The following MMS22L variants were observed in gnomAD, a reference collection of about 807,000 sequenced individuals.
MMS22L encodes the protein MMS22 like, DNA repair protein, also known as protein MMS22-like.
Under a neutral mutation model 159.1 loss-of-function variants are expected in MMS22L, and 74 were observed. That is an observed-to-expected ratio of 0.47 (90% CI 0.39 to 0.56). The LOEUF is 0.56. Ranked by LOEUF, MMS22L falls within the 20% of genes least tolerant of loss-of-function variation. MMS22L has a pLI of 0.00. For missense variants in MMS22L, 1,351 were observed against 1,422.1 expected, an observed-to-expected ratio of 0.95 and a Z score of 0.80; for synonymous variants, 517 against 506.9, an observed-to-expected ratio of 1.02 and a Z score of -0.27.
At chr6:97,227,738 T>C (rs1029211151) in intron 14 of MMS22L, among the ~76,000 whole-genome samples, 1 of 152,226 alleles carries the variant, frequency 6.6e-6, no homozygotes, top group Non-Finnish European at 1.5e-5. Flanking sequence ...TCTGTTTATC[T>C]TTGGACATGA....
chr6:97,246,946 C>T (rs1009782664), intron 10 of MMS22L, among the ~76,000 whole-genome samples: 2 of 150,436 alleles, frequency 1.3e-5, no homozygotes, highest in African/African-American at 4.9e-5. Context: ...AAATATTCTA[C>T]CAAATATTTA....
chr6:97,251,807 G>C (rs1182945970), intron 10 of MMS22L, among the ~76,000 whole-genome samples: 2 of 152,222 alleles, frequency 1.3e-5, no homozygotes, highest in South Asian at 2.1e-4. Context: ...GGTAGGGCTA[G>C]GTACGGTGGC....
chr6:97,182,452 T>C (rs954534373), intron 15 of MMS22L, among the ~76,000 whole-genome samples: 11 of 152,224 alleles, frequency 7.2e-5, no homozygotes, highest in African/African-American at 2.2e-4. Flanking sequence ...AGGTGAACAG[T>C]TCCTTCTCAC....
chr6:97,239,402 C>T (rs1811810898), intron 11 of MMS22L, among the ~76,000 whole-genome samples: 1 of 152,180 alleles, frequency 6.6e-6, no homozygotes, highest in African/African-American at 2.4e-5. Context: ...AAAAATCTTT[C>T]TCATATGAAA....
At chr6:97,224,623 C>A (rs939356733) in intron 14 of MMS22L, among the ~76,000 whole-genome samples, 1 of 150,816 alleles carries the variant, frequency 6.6e-6, no homozygotes, top group African/African-American at 2.4e-5. Flanking sequence ...TAAGCAACTA[C>A]CCCTTTTTTT....
At chr6:97,202,261 A>G (rs1037354574) in intron 14 of MMS22L, among the ~76,000 whole-genome samples, 1 of 152,214 alleles carries the variant, frequency 6.6e-6, no homozygotes, top group African/African-American at 2.4e-5. Context: ...AAACTAGCAT[A>G]GATTTCATAC....
chr6:97,165,370 G>A lies in MMS22L; in HGVS notation c.3097C>T (p.Arg1033Ter), dbSNP rs146474162. 1.9e-6 allele frequency: 3 copies of A among 1,613,272 alleles called. No individual in the cohort carries two copies. The highest frequency in any genetic ancestry group is 2.2e-5 in the East Asian group (1 of 44,828). ...ACATATGGTGAAGCTGGAAGAAATC[G>A]CCCAATATACTGCTCAATAACATTC... ...LGNVIEQYIG[R>*]FLPASPYVSD... Residue 1033 changes from arginine to a stop codon, truncating the protein, a stop_gained, in exon 21 of 25, where the codon CGA becomes TGA. Transcript: ENST00000683635. LOFTEE classifies it high-confidence loss of function.
chr6:97,182,392 T>C (rs1582501136), intron 15 of MMS22L, among the ~76,000 whole-genome samples: 1 of 152,184 alleles, frequency 6.6e-6, no homozygotes, highest in Admixed American at 6.5e-5. Flanking sequence ...TTATAAAATA[T>C]GTCCAGCATC....
chr6:97,219,459 A>G (rs947199493), intron 14 of MMS22L, among the ~76,000 whole-genome samples: 10 of 152,074 alleles, frequency 6.6e-5, no homozygotes, highest in Non-Finnish European at 2.9e-5. Context: ...TGAGGACTTA[A>G]TATATAGCTG....
intron 18 of MMS22L, among the ~76,000 whole-genome samples, 157 bp from the exon 19 acceptor site, chr6:97,173,379 A>C (rs1803761929): frequency 6.6e-6 from 1 of 152,224 alleles, no homozygotes; most frequent in African/African-American, 2.4e-5. Flanking sequence ...CATAGGAATT[A>C]AAACACAAGT....
At chr6:97,225,341 T>C (rs12529310) in intron 14 of MMS22L, among the ~76,000 whole-genome samples, 99,150 of 151,778 alleles carry the variant, frequency 0.65, 33,713 homozygotes, top group Non-Finnish European at 0.76. Context: ...TCAACTGACA[T>C]TGTTAACAAA....
chr6:97,214,907 CGT>C (rs1808822590), intron 14 of MMS22L, among the ~76,000 whole-genome samples: 7 of 150,490 alleles, frequency 4.7e-5, no homozygotes, highest in Non-Finnish European at 4.4e-5. Flanking sequence ...GAAAAAAATA[CGT>C]AATTAAGAGA....
At chr6:97,257,501 T>C (rs1813951245) in intron 9 of MMS22L, among the ~76,000 whole-genome samples, 1 of 152,152 alleles carries the variant, frequency 6.6e-6, no homozygotes, top group Admixed American at 6.6e-5. Context: ...TTGCCCAGGC[T>C]ACAGGGCACT....
At chr6:97,256,638 C>T (rs1363698492) in intron 9 of MMS22L, among the ~76,000 whole-genome samples, 2 of 152,084 alleles carry the variant, frequency 1.3e-5, no homozygotes, top group East Asian at 3.8e-4. Context: ...AGTCAGCTGC[C>T]CAATTGTCAC....
At chr6:97,197,505 C>G (rs1806656265) in intron 14 of MMS22L, among the ~76,000 whole-genome samples, 1 of 152,124 alleles carries the variant, frequency 6.6e-6, no homozygotes, top group South Asian at 2.1e-4. Context: ...GAGATCATCT[C>G]TGAAAATAAT....
At chr6:97,207,523 G>C (rs775903046) in intron 14 of MMS22L, among the ~76,000 whole-genome samples, 21 of 152,070 alleles carry the variant, frequency 1.4e-4, no homozygotes, top group Non-Finnish European at 2.1e-4. Flanking sequence ...ATTTCAAAAG[G>C]GAACTCTCAG....
chr6:97,246,924 C>T (rs4363042), intron 10 of MMS22L, among the ~76,000 whole-genome samples: 97,671 of 151,370 alleles, frequency 0.65, 32,991 homozygotes, highest in Non-Finnish European at 0.76. Flanking sequence ...AGTGGTGCTT[C>T]AGTAAGATTA....
At chr6:97,159,418 T>C (rs1055522778) in intron 22 of MMS22L, among the ~76,000 whole-genome samples, 36 of 152,168 alleles carry the variant, frequency 2.4e-4, no homozygotes, top group African/African-American at 8.7e-4. Context: ...ATAAATCCTA[T>C]GCACTATATA....
chr6:97,179,502 T>C lies in MMS22L; in HGVS notation c.2442A>G (p.Val814=). 6.2e-7 allele frequency: 1 copy of C among 1,613,532 alleles called. No homozygotes were observed. Among genetic ancestry groups the C allele is most frequent in the Non-Finnish European group, 8.5e-7 (1 of 1,179,678 alleles). Residue 814 remains valine, a synonymous_variant, in exon 17 of 25, where the codon GTA becomes GTG. Transcript: ENST00000683635. The stretch of plus-strand genomic sequence containing the variant: ...GCAAAACACAACGAATCCATGATCT[T>C]ACGGTTAAGGCTTGAAAAGATACAT... ...SGYVSFQALT[V]RSWIRCVLQM... is the part of the protein sequence containing the mutation.
Sources: gnomAD v4.1 joint callset for allele counts (sites outside exome capture counted in the v4.1 genomes callset) on GRCh38, gnomAD v4.1.1 for gene constraint, MANE v1.5 for transcripts, NCBI Gene and HGNC (gene_info 2026-07-23, HGNC 2026-07-21) for gene names.